CLNK: variants seen among roughly 807,000 people sequenced by gnomAD.
The protein encoded by CLNK is cytokine dependent hematopoietic cell linker.
In CLNK, 74 loss-of-function variants were observed where a neutral mutation model predicts 68.6. The observed-to-expected ratio is 1.08, with a 90% CI of 0.89 to 1.31. The LOEUF is 1.31. Among genes scored for constraint, CLNK ranks in the 50% most tolerant of loss-of-function variants. The pLI is 0.00. For missense variants in CLNK, 553 were observed against 515.3 expected (o/e 1.07, Z -0.71); for synonymous variants, 198 against 172.2 (o/e 1.15, Z -1.17).
At position 10,626,382 on chromosome 4, in the gene CLNK, C is replaced by T. The variant is rs192581994; in HGVS notation, c.12-28333G>A. On this transcript the variant is annotated intron_variant, in intron 2 of 18. Transcript: ENST00000226951. ...TCGTTGACCCACATCAACTCATCTG[C>T]CTTTCCTCTGATTCTCTTGAATGTC... Among the ~76,000 whole-genome samples the T allele has an allele frequency of 1.7e-4, 26 of 152,290 alleles. No individual in the cohort carries two copies. The East Asian group carries it at 3.3e-3, about 19-fold the overall frequency.
intron 14 of CLNK, among the ~76,000 whole-genome samples, chr4:10,524,324 C>T (rs1718212710): frequency 6.6e-6 from 1 of 152,136 alleles, no homozygotes; most frequent in Non-Finnish European, 1.5e-5. Context: ...CCCCGATATA[C>T]AGGGCCTGGC....
At chr4:10,551,976 T>C (rs952003535) in intron 8 of CLNK, among the ~76,000 whole-genome samples, 1 of 151,936 alleles carries the variant, frequency 6.6e-6, no homozygotes, top group Non-Finnish European at 1.5e-5. Flanking sequence ...TCCTCCCAAG[T>C]AGCTGGGATT....
intron 4 of CLNK, among the ~76,000 whole-genome samples, chr4:10,575,604 A>G (rs1367716980): frequency 6.6e-6 from 1 of 152,202 alleles, no homozygotes; most frequent in African/African-American, 2.4e-5. Flanking sequence ...CTTCCCCTGC[A>G]CTGGGCAGGT....
intron 3 of CLNK, among the ~76,000 whole-genome samples, chr4:10,592,060 T>TGTC (rs1432564355): frequency 6.6e-6 from 1 of 152,252 alleles, no homozygotes; most frequent in Non-Finnish European, 1.5e-5. Context: ...TGCCGGGGCC[T>TGTC]GTCTGGTCTC....
At chr4:10,574,147 T>C (rs997336664) in intron 4 of CLNK, among the ~76,000 whole-genome samples, 1 of 152,136 alleles carries the variant, frequency 6.6e-6, no homozygotes, top group African/African-American at 2.4e-5. Flanking sequence ...TAAAGCCTGA[T>C]CCTAACACCG....
At chr4:10,555,418 T>A (rs149667139) in intron 8 of CLNK, among the ~76,000 whole-genome samples, 2 of 152,358 alleles carry the variant, frequency 1.3e-5, no homozygotes, top group African/African-American at 2.4e-5. Context: ...GCTATTCCTA[T>A]CTGAAAATAA....
At chr4:10,498,414 C>T (rs2109021951) in intron 18 of CLNK, among the ~76,000 whole-genome samples, 1 of 152,340 alleles carries the variant, frequency 6.6e-6, no homozygotes, top group Middle Eastern at 3.4e-3. Context: ...ATGGCGTGAA[C>T]CCTGCAGGCG....
At chr4:10,636,140 T>C (rs1723079778) in intron 2 of CLNK, among the ~76,000 whole-genome samples, 1 of 152,188 alleles carries the variant, frequency 6.6e-6, no homozygotes, top group South Asian at 2.1e-4. Context: ...AAAAGATGTG[T>C]TGGGAGTCCA....
chr4:10,726,388 G>A, the CLNK span, among the ~76,000 whole-genome samples: 1 of 152,112 alleles, frequency 6.6e-6, no homozygotes, highest in African/African-American at 2.4e-5. Context: ...CAAAGTGCTG[G>A]GATTATAGGC....
In CLNK at chr4:10,486,796, T is replaced by C. The variant is rs528852231; in HGVS notation, c.*3671A>G. 6.6e-6 allele frequency: 1 copy of C among 152,226 alleles called. No individual in the cohort carries two copies. Among genetic ancestry groups the C allele is most frequent in the Non-Finnish European group, 1.5e-5 (1 of 68,034 alleles). The allele number at this position is 152,226 out of a possible 1,614,324, so 9.4% of individuals were successfully genotyped here. A position where few individuals can be genotyped will look rare whatever the true frequency, so the allele number is the denominator to read the frequency against. On this transcript the variant is annotated 3_prime_UTR_variant, in exon 19 of 19. Coordinates refer to ENST00000226951, the MANE Select transcript of CLNK (RefSeq NM_052964.4). ...AAAGGAGCTTCCTCAAAACATTTAA[T>C]GTTGGCATCACCCCACAAGTACTCA...
chr4:10,731,589 T>G, the CLNK span, among the ~76,000 whole-genome samples: 11 of 152,244 alleles, frequency 7.2e-5, no homozygotes, highest in Non-Finnish European at 1.5e-4. Context: ...TAAAAGGGGC[T>G]GAAGATTTCC....
intron 2 of CLNK, among the ~76,000 whole-genome samples, chr4:10,640,362 C>T (rs1019628506): frequency 4.6e-5 from 7 of 152,252 alleles, no homozygotes; most frequent in Non-Finnish European, 8.8e-5. Context: ...GCAGGGGTTT[C>T]GCCATTTTGG....
intron 3 of CLNK, among the ~76,000 whole-genome samples, chr4:10,588,199 C>T (rs567142497): frequency 7.2e-5 from 11 of 152,324 alleles, no homozygotes; most frequent in African/African-American, 2.6e-4. Context: ...AGGCGGCATG[C>T]AAATCTGAGC....
rs917567851 is a variant in CLNK, at chr4:10,488,484, A to G, written c.*1983T>C. ...TGTCCCTGGCTTGTTGAATTCCAGT[A>G]GAGAATGACCAGCAACCATACAGCT... On this transcript the variant is annotated 3_prime_UTR_variant, in exon 19 of 19. Transcript: ENST00000226951. 6.6e-6 allele frequency: 1 copy of G among 152,266 alleles called. No homozygotes were observed. The highest frequency in any genetic ancestry group is 1.5e-5 in the Non-Finnish European group (1 of 68,056). 9.4% of individuals were successfully genotyped at this position (152,266 alleles called of 1,614,324 possible).
the CLNK span, among the ~76,000 whole-genome samples, chr4:10,705,132 G>A: frequency 6.6e-6 from 1 of 152,188 alleles, no homozygotes. Flanking sequence ...ACCAACATTT[G>A]CATATAAGCT....
the CLNK span, among the ~76,000 whole-genome samples, chr4:10,696,767 T>G: frequency 6.6e-6 from 1 of 152,166 alleles, no homozygotes; most frequent in Non-Finnish European, 1.5e-5. Context: ...CCTTCTCAAA[T>G]GAAGTAGTCA....
intron 2 of CLNK, among the ~76,000 whole-genome samples, chr4:10,636,390 A>G (rs778649592): frequency 3.9e-5 from 6 of 152,180 alleles, no homozygotes; most frequent in Non-Finnish European, 8.8e-5. Flanking sequence ...ATGCAGCTGC[A>G]AGGGGAGGAA....
rs1171284111 is a variant in CLNK, at chr4:10,570,544, A to G, written c.150+1197T>C. On this transcript the variant is annotated intron_variant, in intron 5 of 18. Coordinates refer to ENST00000226951, the MANE Select transcript of CLNK (RefSeq NM_052964.4). ...TTTACCCATGAACCTTTTAATTTTT[A>G]CAATTTTTGTGTGTGCATGTGTGTG... Among the ~76,000 whole-genome samples, 7 of 152,194 alleles carry G rather than the reference A, an allele frequency of 4.6e-5. No individual in the cohort carries two copies. In the East Asian group the frequency reaches 1.4e-3, roughly 29 times the overall value.
At chr4:10,699,510 A>ATCTTTT in the CLNK span, among the ~76,000 whole-genome samples, 1 of 19,472 alleles carries the variant, frequency 5.1e-5, no homozygotes, top group Non-Finnish European at 1.1e-4. Context: ...ATATATATAT[A>ATCTTTT]TATTTTTTTT....
Sources: gnomAD v4.1 joint callset for allele counts (sites outside exome capture counted in the v4.1 genomes callset) on GRCh38, gnomAD v4.1.1 for gene constraint, MANE v1.5 for transcripts, NCBI Gene and HGNC (gene_info 2026-07-23, HGNC 2026-07-21) for gene names.